ATE1: variants seen among roughly 807,000 people sequenced by gnomAD.
ATE1 encodes arginyl-tRNA--protein transferase 1.
Under a neutral mutation model 70.5 loss-of-function variants are expected in ATE1, and 36 were observed. The ratio of observed to expected loss-of-function variants is 0.51; its 90% CI spans 0.39 to 0.67. ATE1 has a LOEUF of 0.67. Ranked by LOEUF, ATE1 falls within the 30% of genes least tolerant of loss-of-function variation. ATE1 has a pLI of 0.00. For missense variants in ATE1, 593 were observed against 629.5 expected (o/e 0.94, Z 0.62); for synonymous variants, 232 against 219.3 (o/e 1.06, Z -0.51).
intron 11 of ATE1, 49 bp from the exon 12 acceptor site, chr10:121,743,907 T>C (rs1259337691): frequency 4.7e-6 from 7 of 1,501,302 alleles, no homozygotes; most frequent in Non-Finnish European, 6.2e-6. Flanking sequence ...TATCAAAACT[T>C]TTTGTTTCCT....
intron 11 of ATE1, among the ~76,000 whole-genome samples, chr10:121,765,808 T>G (rs534530061): frequency 6.6e-6 from 1 of 152,322 alleles, no homozygotes; most frequent in African/African-American, 2.4e-5. Flanking sequence ...GATTCACTAT[T>G]TTGGTATTAG....
At chr10:121,876,358 A>C (rs953985017) in intron 7 of ATE1, among the ~76,000 whole-genome samples, 1 of 152,170 alleles carries the variant, frequency 6.6e-6, no homozygotes, top group South Asian at 2.1e-4. Flanking sequence ...TCTTTTTACT[A>C]TTTTTTGCAC....
chr10:121,836,223 G>C (rs1327657627), intron 10 of ATE1, among the ~76,000 whole-genome samples: 1 of 152,084 alleles, frequency 6.6e-6, no homozygotes, highest in African/African-American at 2.4e-5. Context: ...CCACTGACCA[G>C]ACCACTGTAT....
At chr10:121,792,511 T>C (rs995790392) in intron 10 of ATE1, among the ~76,000 whole-genome samples, 1 of 152,194 alleles carries the variant, frequency 6.6e-6, no homozygotes, top group Non-Finnish European at 1.5e-5. Context: ...CCTACAGCAG[T>C]AGAAGGCCAT....
chr10:121,758,303 C>T (rs189988908), intron 11 of ATE1, among the ~76,000 whole-genome samples: 3 of 152,256 alleles, frequency 2.0e-5, no homozygotes, highest in East Asian at 1.9e-4. Context: ...AATGGACAGG[C>T]GACCTCTTTA....
intron 11 of ATE1, among the ~76,000 whole-genome samples, chr10:121,762,900 GT>G (rs2135801468): frequency 6.6e-6 from 1 of 152,252 alleles, no homozygotes; most frequent in Non-Finnish European, 1.5e-5. Flanking sequence ...CTTAACTCTT[GT>G]TTATATCAAT....
chr10:121,927,685 C>T (rs1050194854), intron 1 of ATE1, among the ~76,000 whole-genome samples, 159 bp downstream of exon 1: 1 of 152,194 alleles, frequency 6.6e-6, no homozygotes, highest in African/African-American at 2.4e-5. Context: ...GAAGCTGCCC[C>T]GCTAAGCCGG....
At chr10:121,843,570 A>G (rs1948709422) in intron 8 of ATE1, among the ~76,000 whole-genome samples, 1 of 152,240 alleles carries the variant, frequency 6.6e-6, no homozygotes, top group Non-Finnish European at 1.5e-5. Flanking sequence ...AGATGGAGTG[A>G]TATTGGTGAA....
At chr10:121,745,204 T>G (rs1944301055) in intron 11 of ATE1, among the ~76,000 whole-genome samples, 1 of 152,234 alleles carries the variant, frequency 6.6e-6, no homozygotes. Context: ...GAGAATAATG[T>G]TACAGTATCT....
chr10:121,895,981 G>A (rs1950767083), intron 7 of ATE1, among the ~76,000 whole-genome samples: 2 of 151,870 alleles, frequency 1.3e-5, no homozygotes, highest in African/African-American at 2.4e-5. Context: ...TTTGCTGGGT[G>A]TAATAATGGT....
intron 7 of ATE1, among the ~76,000 whole-genome samples, chr10:121,889,242 A>G (rs1310786504): frequency 2.0e-5 from 3 of 152,296 alleles, no homozygotes; most frequent in African/African-American, 7.2e-5. Flanking sequence ...TCAATAAAAA[A>G]CTTTTTTTAA....
intron 7 of ATE1, among the ~76,000 whole-genome samples, chr10:121,892,241 GGTGAAGAATCTCATCTGCAGCA>G (rs71925299): frequency 0.12 from 18,955 of 152,098 alleles, 1,495 homozygotes; most frequent in East Asian, 0.33. Context: ...AAACACGACC[GGTGAAGAATCTCATCTGCAGCA>G]GTGACCATCT....
intron 6 of ATE1, among the ~76,000 whole-genome samples, chr10:121,901,663 C>T (rs1950987366): frequency 1.3e-5 from 2 of 152,062 alleles, no homozygotes; most frequent in Admixed American, 6.6e-5. Context: ...ACTGTGTTGG[C>T]CAAGCTGATC....
intron 10 of ATE1, among the ~76,000 whole-genome samples, chr10:121,830,245 G>C (rs1404264610): frequency 6.6e-6 from 1 of 152,190 alleles, no homozygotes; most frequent in Admixed American, 6.5e-5. Context: ...GGGAGATGGG[G>C]CCTAGTGGGA....
At chr10:121,802,970 C>T (rs1370969201) in intron 10 of ATE1, among the ~76,000 whole-genome samples, 1 of 152,154 alleles carries the variant, frequency 6.6e-6, no homozygotes, top group Non-Finnish European at 1.5e-5. Flanking sequence ...CATACCAATA[C>T]AATGGGGAAA....
At chr10:121,787,692 A>G (rs1383833767) in intron 11 of ATE1, among the ~76,000 whole-genome samples, 7 of 152,236 alleles carry the variant, frequency 4.6e-5, no homozygotes, top group Non-Finnish European at 8.8e-5. Context: ...AAGAACATAC[A>G]ATATATTCAT....
At chr10:121,891,945 C>G (rs1272458889) in intron 7 of ATE1, among the ~76,000 whole-genome samples, 1 of 152,144 alleles carries the variant, frequency 6.6e-6, no homozygotes, top group African/African-American at 2.4e-5. Context: ...ATAATGCAAA[C>G]TTTTCAAAGA....
intron 7 of ATE1, among the ~76,000 whole-genome samples, chr10:121,889,979 A>G (rs1005404191): frequency 2.6e-5 from 4 of 152,224 alleles, no homozygotes; most frequent in African/African-American, 9.6e-5. Context: ...GCAAAATGTC[A>G]TAACATGCAC....
chr10:121,843,803 TA>T (rs1259887357), intron 8 of ATE1, among the ~76,000 whole-genome samples: 24 of 150,710 alleles, frequency 1.6e-4, no homozygotes, highest in African/African-American at 5.6e-4. Flanking sequence ...TAAACCTAAA[TA>T]TAAAATGAGA....
Sources: gnomAD v4.1 joint callset for allele counts (sites outside exome capture counted in the v4.1 genomes callset) on GRCh38, gnomAD v4.1.1 for gene constraint, MANE v1.5 for transcripts, NCBI Gene and HGNC (gene_info 2026-07-23, HGNC 2026-07-21) for gene names.